Variants in TEX101 observed in about 807,000 individuals in gnomAD.
TEX101 encodes the protein testis expressed 101, also known as testis-expressed protein 101.
Under a neutral mutation model 18.1 loss-of-function variants are expected in TEX101, and 10 were observed. The ratio of observed to expected loss-of-function variants is 0.55; its 90% CI spans 0.34 to 0.94. TEX101 has a LOEUF of 0.94. Ranked by LOEUF, TEX101 falls within the 40% of genes least tolerant of loss-of-function variation. The pLI, the probability that TEX101 is intolerant of heterozygous loss-of-function variation, is 0.02. For synonymous variants in TEX101, 94 were observed against 114.8 expected, an observed-to-expected ratio of 0.82 and a Z score of 1.16; for missense variants, 259 against 298.9, an observed-to-expected ratio of 0.87 and a Z score of 0.98.
intron 3 of TEX101, among the ~76,000 whole-genome samples, chr19:43,409,837 G>C (rs1568457061): frequency 6.6e-6 from 1 of 152,186 alleles, no homozygotes; most frequent in South Asian, 2.1e-4. Context: ...TCTATGATTA[G>C]TAATTAGCAG....
intron 3 of TEX101, among the ~76,000 whole-genome samples, chr19:43,408,110 G>A (rs902254671): frequency 8.5e-5 from 13 of 152,350 alleles, no homozygotes; most frequent in African/African-American, 3.1e-4. Flanking sequence ...CTCTGGTATG[G>A]GAACCAGTGA....
intron 3 of TEX101, among the ~76,000 whole-genome samples, chr19:43,407,746 A>G (rs1378704640): frequency 6.6e-6 from 1 of 152,222 alleles, no homozygotes; most frequent in Non-Finnish European, 1.5e-5. Context: ...GGGCAGCGCC[A>G]TGAAGCCTCG....
chr19:43,402,406 G>A (rs537151682), intron 1 of TEX101, among the ~76,000 whole-genome samples: 1 of 152,300 alleles, frequency 6.6e-6, no homozygotes, highest in Non-Finnish European at 1.5e-5. Flanking sequence ...AGTCAAAAGA[G>A]TGCCAAACCT....
chr19:43,396,602 G>A (rs1415285262), upstream of TEX101, among the ~76,000 whole-genome samples: 1 of 152,044 alleles, frequency 6.6e-6, no homozygotes, highest in Non-Finnish European at 1.5e-5. Context: ...ACTCCTTTAG[G>A]TGCATCCTGA....
intron 3 of TEX101, among the ~76,000 whole-genome samples, chr19:43,408,081 C>T (rs12609927): frequency 0.079 from 11,972 of 152,292 alleles, 542 homozygotes; most frequent in Middle Eastern, 0.16. Flanking sequence ...CTCCCGCGTC[C>T]CCATACCCCC....
chr19:43,407,483 CAA>C (rs35258259), intron 3 of TEX101, among the ~76,000 whole-genome samples: 180 of 130,646 alleles, frequency 1.4e-3, no homozygotes, highest in Admixed American at 1.2e-3. Context: ...GAAACTTCGT[CAA>C]AAAAAAAAAA....
intron 3 of TEX101, among the ~76,000 whole-genome samples, chr19:43,409,040 G>GA (rs1970396245): frequency 6.6e-6 from 1 of 152,186 alleles, no homozygotes; most frequent in Non-Finnish European, 1.5e-5. Flanking sequence ...CTGACTAAAG[G>GA]AAAAACTTCA....
At chr19:43,389,548 G>A in the TEX101 span, among the ~76,000 whole-genome samples, 2 of 152,136 alleles carry the variant, frequency 1.3e-5, no homozygotes, top group Admixed American at 6.5e-5. Flanking sequence ...CTTGCCCTGG[G>A]CCCTGTGGCC....
chr19:43,409,481 T>TA (rs987258330), intron 3 of TEX101, among the ~76,000 whole-genome samples: 2 of 151,912 alleles, frequency 1.3e-5, no homozygotes, highest in African/African-American at 4.8e-5. Context: ...TCAAATTGCA[T>TA]AAAAAAGCAA....
At chr19:43,413,555 A>G (rs1970438588), upstream of TEX101, among the ~76,000 whole-genome samples, 1 of 151,712 alleles carries the variant, frequency 6.6e-6, no homozygotes, top group South Asian at 2.1e-4. Flanking sequence ...TTAAGACGCA[A>G]GTCTGCTGAG....
chr19:43,400,938 A>T (rs1009431413), upstream of TEX101, among the ~76,000 whole-genome samples: 3 of 152,088 alleles, frequency 2.0e-5, no homozygotes, highest in African/African-American at 7.2e-5. Flanking sequence ...TAAATATTTT[A>T]AAAGTTTATT....
chr19:43,394,428 C>A, the TEX101 span, among the ~76,000 whole-genome samples: 1 of 151,796 alleles, frequency 6.6e-6, no homozygotes, highest in Non-Finnish European at 1.5e-5. Context: ...AAGGTACCCT[C>A]TTAGCCTTCA....
intron 3 of TEX101, among the ~76,000 whole-genome samples, chr19:43,408,996 T>C (rs1970395924): frequency 6.6e-6 from 1 of 152,222 alleles, no homozygotes; most frequent in Admixed American, 6.5e-5. Context: ...AGCGTAGATT[T>C]ACATGCAGTC....
upstream of TEX101, among the ~76,000 whole-genome samples, chr19:43,410,179 G>A (rs970243268): frequency 6.6e-6 from 1 of 152,204 alleles, no homozygotes; most frequent in Non-Finnish European, 1.5e-5. Context: ...GTGTGCATAG[G>A]CCTGTTGGTA....
upstream of TEX101, among the ~76,000 whole-genome samples, chr19:43,400,051 G>A (rs533856261): frequency 6.6e-6 from 1 of 152,238 alleles, no homozygotes; most frequent in Non-Finnish European, 1.5e-5. Flanking sequence ...CTGACCTCAG[G>A]TGATCTACCC....
At chr19:43,401,913 G>A (rs1278474905) in intron 1 of TEX101, among the ~76,000 whole-genome samples, 3 of 152,082 alleles carry the variant, frequency 2.0e-5, no homozygotes, top group Non-Finnish European at 4.4e-5. Flanking sequence ...AGAAAAGCAA[G>A]TAGTGTCTGT....
At chr19:43,403,774 A>G (rs1970337727) in intron 2 of TEX101, among the ~76,000 whole-genome samples, 1 of 152,144 alleles carries the variant, frequency 6.6e-6, no homozygotes, top group Non-Finnish European at 1.5e-5. Flanking sequence ...GAAAACCAAT[A>G]TAAAAATCTG....
intron 2 of TEX101, among the ~76,000 whole-genome samples, chr19:43,404,477 A>C (rs2355984): frequency 0.95 from 144,229 of 152,214 alleles, 68,460 homozygotes; most frequent in East Asian, 1. Flanking sequence ...AATATATAAT[A>C]TACTACAATT....
At chr19:43,408,045 A>G (rs895404901) in intron 3 of TEX101, among the ~76,000 whole-genome samples, 7 of 152,150 alleles carry the variant, frequency 4.6e-5, no homozygotes, top group Admixed American at 2.6e-4. Flanking sequence ...AGAGCCATCA[A>G]TCCTTCCTTC....
Sources: gnomAD v4.1 joint callset for allele counts (sites outside exome capture counted in the v4.1 genomes callset) on GRCh38, gnomAD v4.1.1 for gene constraint, MANE v1.5 for transcripts, NCBI Gene and HGNC (gene_info 2026-07-23, HGNC 2026-07-21) for gene names.